Variants in INTS6L observed in about 807,000 individuals in gnomAD.
The protein encoded by INTS6L is integrator complex subunit 6-like.
INTS6L carries 18 observed loss-of-function variants against 64.7 expected under a neutral mutation model. That is an observed-to-expected ratio of 0.28 (90% CI 0.19 to 0.41). The LOEUF is 0.41. Ranked by LOEUF, INTS6L falls within the 10% of genes least tolerant of loss-of-function variation. The probability of loss-of-function intolerance (pLI) is 1.00; values close to 1 mark genes in which losing one functional copy is unlikely to be tolerated. For missense variants in INTS6L, 533 were observed against 661.0 expected (o/e 0.81, Z 2.12); for synonymous variants, 227 against 235.9 (o/e 0.96, Z 0.34).
At chrX:135,522,963 T>G (rs1255025447) in intron 2 of INTS6L, among the ~76,000 whole-genome samples, 2 of 112,371 alleles carry the variant, frequency 1.8e-5, no homozygotes, top group Non-Finnish European at 3.8e-5. Flanking sequence ...TCTGAATGTC[T>G]ACACTCTTCG....
At chrX:135,546,241 C>T (rs782548088) in intron 3 of INTS6L, 139 bp from the exon 4 acceptor site, 6 of 360,462 alleles carry the variant, frequency 1.7e-5, no homozygotes, top group East Asian at 9.6e-5. Context: ...CTACCCATTT[C>T]GTTCCCTGGT....
chrX:135,560,937 CT>C (rs148244479), intron 9 of INTS6L, among the ~76,000 whole-genome samples: 94 of 87,377 alleles, frequency 1.1e-3, no homozygotes, highest in Admixed American at 2.8e-3. Flanking sequence ...AATGCTCTTT[CT>C]TTTTTTTTTT....
chrX:135,562,601 T>C (rs1261937125), intron 9 of INTS6L, among the ~76,000 whole-genome samples: 1 of 112,095 alleles, frequency 8.9e-6, no homozygotes, highest in Non-Finnish European at 1.9e-5. Context: ...TGTTGAAGTC[T>C]CCAACTATAA....
chrX:135,566,905 T>C (rs1292637270), intron 9 of INTS6L, among the ~76,000 whole-genome samples: 2 of 111,965 alleles, frequency 1.8e-5, no homozygotes, highest in Non-Finnish European at 3.8e-5. Flanking sequence ...AAACCAGTTA[T>C]GATCAGGAGG....
intron 2 of INTS6L, among the ~76,000 whole-genome samples, chrX:135,539,643 A>G (rs2086148252): frequency 1.8e-5 from 2 of 112,330 alleles, no homozygotes. Flanking sequence ...AGCTTTCGAC[A>G]TGCCTTCCTC....
chrX:135,580,248 A>G (rs1341026462), intron 16 of INTS6L, 86 bp downstream of exon 16: 1 of 1,061,066 alleles, frequency 9.4e-7, no homozygotes, highest in Non-Finnish European at 1.3e-6. Context: ...CTATCCCTTG[A>G]GGTACACTGG....
At chrX:135,574,657 T>A (rs1285657337) in intron 13 of INTS6L, among the ~76,000 whole-genome samples, 3 of 112,448 alleles carry the variant, frequency 2.7e-5, no homozygotes, top group African/African-American at 9.7e-5. Context: ...AAGTTTTGTG[T>A]GTAAGAGGGC....
intron 16 of INTS6L, among the ~76,000 whole-genome samples, chrX:135,580,585 A>G (rs1556533936): frequency 1.8e-5 from 2 of 111,740 alleles, no homozygotes; most frequent in Non-Finnish European, 3.8e-5. Flanking sequence ...CCCTTCCTCC[A>G]TCTTCATGAA....
At chrX:135,549,557 G>T in intron 6 of INTS6L, 85 bp from the exon 7 acceptor site, 2 of 1,019,951 alleles carry the variant, frequency 2.0e-6, no homozygotes, top group Non-Finnish European at 1.3e-6. Context: ...TTTGGACTTT[G>T]CTTTCAGCTG....
In INTS6L at chrX:135,539,188, C is replaced by T. The variant is rs782194972; in HGVS notation, c.190-6235C>T. Among the ~76,000 whole-genome samples, 15 of 112,444 alleles carry T rather than the reference C, an allele frequency of 1.3e-4. No homozygotes were observed. In the East Asian group the frequency reaches 1.4e-3, roughly 10 times the overall value. ...ATTGCATCTTCTTCCTATAGAAGTC[C>T]GCTTCATCTACATTGAAAATCTGTT... On this transcript the variant is annotated intron_variant, in intron 2 of 17. Transcript: ENST00000639893.
In INTS6L at chrX:135,521,278, A is replaced by G; in HGVS notation, c.149A>G (p.Tyr50Cys). 1 of 1,208,012 alleles carries G rather than the reference A, an allele frequency of 8.3e-7. No homozygotes were observed. Among genetic ancestry groups the G allele is most frequent in the Non-Finnish European group, 1.1e-6 (1 of 893,846 alleles). ...GACCCGGCCAGCCGTGGAGACAGGT[A>G]CATGCTGGTCACCTACGACGAACCC... The part of the protein sequence containing the change: ...ARDPASRGDR[Y>C]MLVTYDEPPY... Residue 50 changes from tyrosine to cysteine, a missense_variant, in exon 2 of 18, where the codon TAC becomes TGC. Physicochemically the swap from Tyr to Cys is radical, Grantham distance 194. Transcript: ENST00000639893.
intron 2 of INTS6L, among the ~76,000 whole-genome samples, chrX:135,522,135 A>T (rs2085595632): frequency 9.0e-6 from 1 of 111,499 alleles, no homozygotes; most frequent in South Asian, 3.7e-4. Flanking sequence ...CAGTTACCTT[A>T]GCTACTGTTA....
chrX:135,545,663 CT>C, intron 3 of INTS6L, 91 bp downstream of exon 3: 1 of 888,403 alleles, frequency 1.1e-6, no homozygotes, highest in South Asian at 2.7e-5. Context: ...TTTTCTGCTA[CT>C]TTTCATAACC....
At chrX:135,539,490 AC>A (rs782160307) in intron 2 of INTS6L, among the ~76,000 whole-genome samples, 1 of 111,678 alleles carries the variant, frequency 9.0e-6, no homozygotes, top group East Asian at 2.8e-4. Flanking sequence ...TTCTATCCAG[AC>A]CACTAAGTCT....
At chrX:135,580,775 A>C (rs1381988430) in intron 16 of INTS6L, among the ~76,000 whole-genome samples, 1 of 112,797 alleles carries the variant, frequency 8.9e-6, no homozygotes, top group Non-Finnish European at 1.9e-5. Context: ...CCTGCAAAGT[A>C]AAGTCTTTTT....
chrX:135,523,970 C>T (rs2085662466), intron 2 of INTS6L, among the ~76,000 whole-genome samples: 1 of 111,842 alleles, frequency 8.9e-6, no homozygotes, highest in Non-Finnish European at 1.9e-5. Context: ...CAAAGTTTTT[C>T]ATTTTACTCT....
chrX:135,545,324 T>A, intron 2 of INTS6L, 99 bp from the exon 3 acceptor site: 13 of 1,040,820 alleles, frequency 1.2e-5, no homozygotes, highest in Non-Finnish European at 1.6e-5. Context: ...TAAAGAGTGG[T>A]TAATTTCTTA....
At chrX:135,554,434 T>C (rs1401236034) in intron 8 of INTS6L, among the ~76,000 whole-genome samples, 1 of 111,893 alleles carries the variant, frequency 8.9e-6, no homozygotes, top group Non-Finnish European at 1.9e-5. Context: ...ACACAAAATC[T>C]AGTAGACTCA....
Position 135,560,959 on chromosome X carries a change from C to CTT in INTS6L, c.1192+4669_1192+4670dup, listed in dbSNP as rs200672440. Among the ~76,000 whole-genome samples, 162 of 84,267 alleles carry CTT rather than the reference C, an allele frequency of 1.9e-3. 2 individuals carry two copies. Among genetic ancestry groups the CTT allele is most frequent in the Middle Eastern group, 7.0e-3 (1 of 142 alleles). 73.2% of individuals were successfully genotyped at this position (84,267 alleles called of 115,157 possible). On this transcript the variant is annotated intron_variant, in intron 9 of 17. Transcript: ENST00000639893. ...TTTCTTTTTTTTTTTTCTTTTCTTT[C>CTT]TTTTTTTTTTTGAGATGGAATCTTG...
Sources: gnomAD v4.1 joint callset for allele counts (sites outside exome capture counted in the v4.1 genomes callset) on GRCh38, gnomAD v4.1.1 for gene constraint, MANE v1.5 for transcripts, NCBI Gene and HGNC (gene_info 2026-07-23, HGNC 2026-07-21) for gene names.